KLHL29: variants seen among roughly 807,000 people sequenced by gnomAD.
The protein encoded by KLHL29 is kelch-like protein 29.
A neutral mutation model predicts 80.4 loss-of-function variants in KLHL29; 21 were observed. That is an observed-to-expected ratio of 0.26 (90% CI 0.19 to 0.38). KLHL29 has a LOEUF of 0.38. Ranked by LOEUF, KLHL29 falls within the 10% of genes least tolerant of loss-of-function variation. KLHL29 has a pLI of 1.00. For missense variants in KLHL29, 867 were observed against 1,223.9 expected (o/e 0.71, Z 4.35); for synonymous variants, 511 against 526.8 (o/e 0.97, Z 0.41).
At chr2:23,613,353 G>C (rs538689840) in intron 3 of KLHL29, among the ~76,000 whole-genome samples, 3 of 152,284 alleles carry the variant, frequency 2.0e-5, no homozygotes, top group Non-Finnish European at 4.4e-5. Flanking sequence ...AGATTAAAGG[G>C]AAAAGGGTAG....
intron 1 of KLHL29, among the ~76,000 whole-genome samples, chr2:23,442,266 A>C (rs1002900762): frequency 6.6e-6 from 1 of 151,842 alleles, no homozygotes; most frequent in African/African-American, 2.4e-5. Flanking sequence ...AATTTTTTTA[A>C]ATTTTTTGTA....
chr2:23,539,335 G>T (rs975999848), intron 2 of KLHL29, among the ~76,000 whole-genome samples: 1 of 151,444 alleles, frequency 6.6e-6, no homozygotes, highest in Non-Finnish European at 1.5e-5. Flanking sequence ...GAAAGGAATT[G>T]ATTTCAGTTA....
chr2:23,483,039 G>A (rs1346003557), intron 2 of KLHL29, among the ~76,000 whole-genome samples: 1 of 152,204 alleles, frequency 6.6e-6, no homozygotes, highest in Admixed American at 6.5e-5. Context: ...TGTGATAAAT[G>A]CAGCAAAAAG....
At chr2:23,386,459 T>G (rs981445582) in intron 1 of KLHL29, among the ~76,000 whole-genome samples, 1 of 152,134 alleles carries the variant, frequency 6.6e-6, no homozygotes, top group Non-Finnish European at 1.5e-5. Context: ...CCTTGACACC[T>G]TGTGGGTGCC....
chr2:23,601,762 C>T (rs1157118935), intron 3 of KLHL29, among the ~76,000 whole-genome samples: 2 of 152,158 alleles, frequency 1.3e-5, no homozygotes, highest in Admixed American at 6.5e-5. Flanking sequence ...CAGGCTAGCC[C>T]ACCACACTGA....
chr2:23,538,216 G>A (rs1359478973), intron 2 of KLHL29, among the ~76,000 whole-genome samples: 1 of 152,162 alleles, frequency 6.6e-6, no homozygotes, highest in East Asian at 1.9e-4. Flanking sequence ...ATAGAATTAT[G>A]AACCAAGTAA....
intron 2 of KLHL29, among the ~76,000 whole-genome samples, chr2:23,510,288 TG>T (rs1299591988): frequency 6.6e-6 from 1 of 152,148 alleles, no homozygotes; most frequent in Admixed American, 6.5e-5. Context: ...GAAGCATGAC[TG>T]GGGGCACCAG....
intron 3 of KLHL29, among the ~76,000 whole-genome samples, chr2:23,572,087 T>TA (rs1667729570): frequency 6.6e-6 from 1 of 152,176 alleles, no homozygotes; most frequent in African/African-American, 2.4e-5. Context: ...GGACACAGCT[T>TA]AGTACCACCA....
chr2:23,676,359 T>G (rs887256690), intron 5 of KLHL29, among the ~76,000 whole-genome samples: 1 of 152,234 alleles, frequency 6.6e-6, no homozygotes, highest in East Asian at 1.9e-4. Context: ...ATTTTTTCTA[T>G]TTTTAGTAAA....
At chr2:23,653,499 G>T (rs1362436803) in intron 5 of KLHL29, among the ~76,000 whole-genome samples, 1 of 152,170 alleles carries the variant, frequency 6.6e-6, no homozygotes, top group East Asian at 1.9e-4. Flanking sequence ...CATCCCACCG[G>T]GAGCCCTCTG....
chr2:23,587,002 G>C (rs1572419204), intron 3 of KLHL29, among the ~76,000 whole-genome samples: 1 of 152,144 alleles, frequency 6.6e-6, no homozygotes, highest in East Asian at 1.9e-4. Flanking sequence ...ATTGTTGGGG[G>C]ATATAACTCT....
At chr2:23,646,877 C>T (rs1055324172) in intron 5 of KLHL29, among the ~76,000 whole-genome samples, 4 of 152,200 alleles carry the variant, frequency 2.6e-5, no homozygotes, top group Non-Finnish European at 5.9e-5. Flanking sequence ...GGTGACAGTA[C>T]CACCCTCACA....
In KLHL29 at chr2:23,460,663, G is replaced by T. The variant is rs368770885; in HGVS notation, c.-153-14897G>T. ...CAGACAAGACAGGTGGAGGCCACAG[G>T]TGTGGAAAGGCATGGAGCCGTGAAG... On this transcript the variant is annotated intron_variant, in intron 1 of 13. Coordinates refer to ENST00000486442, the MANE Select transcript of KLHL29 (RefSeq NM_052920.2). Among the ~76,000 whole-genome samples the T allele has an allele frequency of 5.3e-5, 8 of 152,164 alleles. No individual in the cohort carries two copies. In the East Asian group the frequency reaches 1.2e-3, roughly 22 times the overall value.
At chr2:23,535,496 A>G (rs902228377) in intron 2 of KLHL29, among the ~76,000 whole-genome samples, 2 of 152,268 alleles carry the variant, frequency 1.3e-5, no homozygotes, top group Non-Finnish European at 2.9e-5. Context: ...GAAGCAACTC[A>G]GGTGTCCATT....
chr2:23,412,380 T>A (rs11125018), intron 1 of KLHL29, among the ~76,000 whole-genome samples: 43,262 of 152,130 alleles, frequency 0.28, 6,497 homozygotes, highest in South Asian at 0.41. Flanking sequence ...CTTTCTGGAA[T>A]ACTCAGTCCA....
chr2:23,560,005 G>A (rs371407054), intron 2 of KLHL29, among the ~76,000 whole-genome samples: 1 of 152,186 alleles, frequency 6.6e-6, no homozygotes, highest in African/African-American at 2.4e-5. Context: ...CAGCCACGTC[G>A]CAAGTGAGGG....
At chr2:23,437,075 TTAGCTGGGCCACCG>T (rs1378435731) in intron 1 of KLHL29, among the ~76,000 whole-genome samples, 1 of 152,208 alleles carries the variant, frequency 6.6e-6, no homozygotes, top group Admixed American at 6.5e-5. Flanking sequence ...TTGCTAGGGT[TTAGCTGGGCCACCG>T]GCTTGATTGA....
chr2:23,525,098 C>A (rs1190691452), intron 2 of KLHL29, among the ~76,000 whole-genome samples: 3 of 152,188 alleles, frequency 2.0e-5, no homozygotes, highest in African/African-American at 7.2e-5. Flanking sequence ...GCAGCTATGG[C>A]ACTGATGCTG....
At chr2:23,588,575 T>G (rs1384084804) in intron 3 of KLHL29, among the ~76,000 whole-genome samples, 1 of 152,220 alleles carries the variant, frequency 6.6e-6, no homozygotes, top group Admixed American at 6.5e-5. Flanking sequence ...CTTCTTAGAC[T>G]GTGGTCTGAG....
Sources: gnomAD v4.1 joint callset for allele counts (sites outside exome capture counted in the v4.1 genomes callset) on GRCh38, gnomAD v4.1.1 for gene constraint, MANE v1.5 for transcripts, NCBI Gene and HGNC (gene_info 2026-07-23, HGNC 2026-07-21) for gene names.